MAN2A2: variants seen among roughly 807,000 people sequenced by gnomAD.
MAN2A2 encodes the protein alpha-mannosidase 2x.
Under a neutral mutation model 126.8 loss-of-function variants are expected in MAN2A2, and 79 were observed. The ratio of observed to expected loss-of-function variants is 0.62; its 90% CI spans 0.52 to 0.75. The LOEUF (loss-of-function observed/expected upper bound fraction) is 0.75. MAN2A2 is among the 30% of genes least tolerant of loss of function. The probability of loss-of-function intolerance (pLI) is 0.00; values close to 1 mark genes in which losing one functional copy is unlikely to be tolerated. For missense variants in MAN2A2, 1,392 were observed against 1,522.4 expected, an observed-to-expected ratio of 0.91 and a Z score of 1.43; for synonymous variants, 671 against 618.7, an observed-to-expected ratio of 1.08 and a Z score of -1.25.
In MAN2A2 at chr15:90,916,112, T is replaced by C. The variant is rs774358877; in HGVS notation, c.2861-11T>C. On this transcript the variant is annotated splice_polypyrimidine_tract_variant and intron_variant, in intron 19 of 22. Coordinates refer to ENST00000559717, the MANE Select transcript of MAN2A2 (RefSeq NM_006122.4). ...TGGGGGCGGGCCAGCACTCACTGTT[T>C]GCTTCCCCAGGCCAGCTGGAGGTGA... 4.5e-5 allele frequency: 73 copies of C among 1,613,618 alleles called. No individual in the cohort carries two copies. The highest frequency in any genetic ancestry group is 5.9e-5 in the Non-Finnish European group (70 of 1,179,842).
At position 90,905,514 on chromosome 15, in the gene MAN2A2, A is replaced by G. The variant is rs765323874; in HGVS notation, c.390+6A>G. 1 of 1,614,082 alleles carries G rather than the reference A, an allele frequency of 6.2e-7. No individual in the cohort carries two copies. Among genetic ancestry groups the G allele is most frequent in the Admixed American group, 1.7e-5 (1 of 60,024 alleles). The stretch of plus-strand genomic sequence containing the variant: ...GTCAGAAGCCAGAGCTGCAGGTAAG[A>G]GTCAGAGCTGGCAGGGACGTACAGT... On this transcript the variant is annotated splice_donor_region_variant and intron_variant, in intron 3 of 22. Coordinates refer to ENST00000559717, the MANE Select transcript of MAN2A2 (RefSeq NM_006122.4).
intron 1 of MAN2A2, 77 bp from the exon 2 acceptor site, chr15:90,904,113 C>T: frequency 6.6e-7 from 1 of 1,520,180 alleles, no homozygotes; most frequent in Non-Finnish European, 9.1e-7. Flanking sequence ...CCCTCAGGAA[C>T]TCACTGGGGT....
chr15:90,918,087 GAAAGGTCTTTCCAA>G, intron 20 of MAN2A2, 93 bp from the exon 21 acceptor site: 2 of 1,086,824 alleles, frequency 1.8e-6, no homozygotes, highest in Non-Finnish European at 2.7e-6. Flanking sequence ...GGCACACCAG[GAAAGGTCTTTCCAA>G]AACAACTGAC....
chr15:90,919,863 C>A lies in MAN2A2; in HGVS notation c.*76C>A. Reference sequence around the variant, plus strand: ...CATGAAGATCATTGGACAAGCCACACGGGTATCCCATCCCGATCTGCCTCC... The same window carrying A: ...CATGAAGATCATTGGACAAGCCACAAGGGTATCCCATCCCGATCTGCCTCC... On this transcript the variant is annotated 3_prime_UTR_variant, in exon 23 of 23. Transcript: ENST00000559717. The A allele has an allele frequency of 6.5e-7, 1 of 1,536,770 alleles. No individual in the cohort carries two copies.
Position 90,913,473 on chromosome 15 carries a change from CACA to C in MAN2A2, c.2718+68_2718+70del. 3 of 1,579,182 alleles carry C rather than the reference CACA, an allele frequency of 1.9e-6. No homozygotes were observed. In the South Asian group the frequency reaches 3.4e-5, roughly 18 times the overall value. On this transcript the variant is annotated intron_variant, in intron 18 of 22. Transcript: ENST00000559717. ...ACTTGGACTCTGCTTTTGCCCCTGT[CACA>C]GGCCCTGGGGGATGATCTGCCCTGA...
chr15:90,906,637 C>T, intron 6 of MAN2A2, 103 bp from the exon 7 acceptor site: 1 of 1,562,104 alleles, frequency 6.4e-7, no homozygotes, highest in South Asian at 1.2e-5. Context: ...ATCATCTCTC[C>T]ACTCACTACC....
Position 90,913,734 on chromosome 15 carries a change from G to A in MAN2A2, c.2839G>A (p.Gly947Ser), listed in dbSNP as rs746445358. 6.3e-7 allele frequency: 1 copy of A among 1,597,956 alleles called. No individual in the cohort carries two copies. Among genetic ancestry groups the A allele is most frequent in the East Asian group, 2.3e-5 (1 of 44,412 alleles). Residue 947 changes from glycine to serine, a missense_variant, in exon 19 of 23, where the codon GGT becomes AGT. Physicochemically the swap from Gly to Ser is moderately conservative, Grantham distance 56. Transcript: ENST00000559717. ...RLTLHTAQAL[G>S]VSSLKDGQLE... ...CACGCTGCACACTGCCCAGGCCCTG[G>A]GTGTCTCTAGCCTCAAAGATGGTGA... is the stretch of plus-strand genomic sequence containing the variant.
At chr15:90,912,456 C>T (rs2034830572) in intron 15 of MAN2A2, 86 bp from the exon 16 acceptor site, 1 of 1,595,402 alleles carries the variant, frequency 6.3e-7, no homozygotes, top group African/African-American at 1.3e-5. Context: ...GGCACGGCTC[C>T]TTGGGGAAGC....
In MAN2A2 at chr15:90,918,691, A is replaced by G. The variant is rs1334173033; in HGVS notation, c.3236A>G (p.Lys1079Arg). 1.3e-6 allele frequency: 2 copies of G among 1,521,696 alleles called. No homozygotes were observed. The highest frequency in any genetic ancestry group is 1.8e-6 in the Non-Finnish European group (2 of 1,096,386). The allele number at this position is 1,521,696 out of a possible 1,614,324, so 94.3% of individuals were successfully genotyped here. ...GAGACCGCACTCATCTTACACCGCAAGGGTTTTGACTGCGGCCTGGAGGCC... is the reference window on the plus strand; with the variant it reads ...GAGACCGCACTCATCTTACACCGCAGGGGTTTTGACTGCGGCCTGGAGGCC... Reference protein sequence around the residue: ...SAETALILHRKGFDCGLEAKN... With the variant: ...SAETALILHRRGFDCGLEAKN... Residue 1079 changes from lysine (K) to arginine (R), a missense_variant, in exon 22 of 23, where the codon AAG becomes AGG. Physicochemically the swap from Lys to Arg is conservative, Grantham distance 26. Coordinates refer to ENST00000559717, the MANE Select transcript of MAN2A2 (RefSeq NM_006122.4).
chr15:90,919,877 C>A lies in MAN2A2; in HGVS notation c.*90C>A. The A allele has an allele frequency of 1.4e-6, 2 of 1,451,404 alleles. No individual in the cohort carries two copies. Among genetic ancestry groups the A allele is most frequent in the East Asian group, 2.3e-5 (1 of 43,538 alleles). 89.9% of individuals were successfully genotyped at this position (1,451,404 alleles called of 1,614,324 possible). ...GACAAGCCACACGGGTATCCCATCC[C>A]GATCTGCCTCCCAGAACTGTGACAC... On this transcript the variant is annotated 3_prime_UTR_variant, in exon 23 of 23. Coordinates refer to ENST00000559717, the MANE Select transcript of MAN2A2 (RefSeq NM_006122.4).
At chr15:90,916,374 G>A in intron 20 of MAN2A2, 118 bp downstream of exon 20, 1 of 1,382,532 alleles carries the variant, frequency 7.2e-7, no homozygotes, top group Non-Finnish European at 9.9e-7. Context: ...GAGAGAGTAG[G>A]GCTGAATTCC....
Position 90,920,866 on chromosome 15 carries a change from A to G in MAN2A2, c.*1079A>G, listed in dbSNP as rs542075114. 1 of 152,354 alleles carries G rather than the reference A, an allele frequency of 6.6e-6. No individual in the cohort carries two copies. Among genetic ancestry groups the G allele is most frequent in the Admixed American group, 6.5e-5 (1 of 15,304 alleles). The allele number at this position is 152,354 out of a possible 1,614,324, so 9.4% of individuals were successfully genotyped here. A position where few individuals can be genotyped will look rare whatever the true frequency, so the allele number is the denominator to read the frequency against. On this transcript the variant is annotated 3_prime_UTR_variant, in exon 23 of 23. Transcript: ENST00000559717. ...AGCCTTCATTTCAGCTTCAATTAAT[A>G]GGGAAGAATTTATGATAGCTCTATA...
chr15:90,911,387 T>A lies in MAN2A2; in HGVS notation c.1946T>A (p.Phe649Tyr), dbSNP rs1291671226. The A allele has an allele frequency of 6.2e-7, 1 of 1,614,092 alleles. No homozygotes were observed. The highest frequency in any genetic ancestry group is 1.7e-5 in the Admixed American group (1 of 60,008). Residue 649 changes from phenylalanine (F) to tyrosine (Y), a missense_variant and splice_region_variant, in exon 14 of 23, where the codon TTT (phenylalanine) becomes TAT (tyrosine). Physicochemically the swap from Phe to Tyr is conservative, Grantham distance 22. Transcript: ENST00000559717. ...TVIQLDSSPR[F>Y]VVLFNPLEQE... ...GTCAGCCCACCTTCTACGCACAGGT[T>A]TGTGGTCCTATTCAACCCACTGGAA...
At position 90,911,537 on chromosome 15, in the gene MAN2A2, C is replaced by G; in HGVS notation, c.2096C>G (p.Pro699Arg). 6.2e-7 allele frequency: 1 copy of G among 1,612,344 alleles called. No individual in the cohort carries two copies. Among genetic ancestry groups the G allele is most frequent in the South Asian group, 1.1e-5 (1 of 91,040 alleles). ...TGGAGCTCTGCCACCGAGGCGGTCC[C>G]TGACGTCTACCAGGTGAGGTGTGGG... is the stretch of plus-strand genomic sequence containing the variant. ...AHWSSATEAV[P>R]DVYQVSVPVR... Residue 699 changes from proline (P) to arginine (R), a missense_variant, in exon 14 of 23, where the codon CCT (proline) becomes CGT (arginine). Transcript: ENST00000559717.
intron 9 of MAN2A2, 146 bp from the exon 10 acceptor site, chr15:90,909,944 C>T: frequency 2.8e-6 from 2 of 706,404 alleles, no homozygotes; most frequent in East Asian, 2.6e-5. Context: ...CCAGGCTCCC[C>T]TACTTCTGTT....
Position 90,907,432 on chromosome 15 carries a change from G to C in MAN2A2, c.1133G>C (p.Gly378Ala), listed in dbSNP as rs1246425920. The part of the protein sequence containing the change: ...CQFDFKRLPG[G>A]RINCPWKVPP... ...TTTGATTTCAAACGCCTGCCTGGTG[G>C]GCGCATCAACTGCCCTTGGAAGGTG... Residue 378 changes from glycine (G) to alanine (A), a missense_variant, in exon 8 of 23, where the codon GGG becomes GCG. Physicochemically the swap from Gly to Ala is moderately conservative, Grantham distance 60. Transcript: ENST00000559717. 2 of 1,614,050 alleles carry C rather than the reference G, an allele frequency of 1.2e-6. No homozygotes were observed.
At chr15:90,905,145 C>A in intron 2 of MAN2A2, 106 bp from the exon 3 acceptor site, 1 of 1,273,934 alleles carries the variant, frequency 7.8e-7, no homozygotes, top group Non-Finnish European at 1.1e-6. Context: ...CTGGCTTTGA[C>A]TGATGAGGGA....
chr15:90,904,593 CTTTTTTTT>C (rs35245127), intron 2 of MAN2A2, among the ~76,000 whole-genome samples: 3 of 143,226 alleles, frequency 2.1e-5, no homozygotes, highest in African/African-American at 7.7e-5. Flanking sequence ...TCTTTTCTTT[CTTTTTTTT>C]TTTTTTGAGA....
At chr15:90,906,670 C>G (rs959573106) in intron 6 of MAN2A2, 70 bp from the exon 7 acceptor site, 2 of 1,583,874 alleles carry the variant, frequency 1.3e-6, no homozygotes, top group African/African-American at 1.3e-5. Context: ...GGGGTCCCAG[C>G]ACCTGGAAGG....
Sources: gnomAD v4.1 joint callset for allele counts (sites outside exome capture counted in the v4.1 genomes callset) on GRCh38, gnomAD v4.1.1 for gene constraint, MANE v1.5 for transcripts, NCBI Gene and HGNC (gene_info 2026-07-23, HGNC 2026-07-21) for gene names.